Variants in RARB observed in about 807,000 individuals in gnomAD.
RARB encodes retinoic acid receptor beta.
A neutral mutation model predicts 51.9 loss-of-function variants in RARB; 17 were observed. That is an observed-to-expected ratio of 0.33 (90% CI 0.22 to 0.49). The LOEUF (loss-of-function observed/expected upper bound fraction) is 0.49, where lower values mean the gene tolerates loss of function less well. Among genes scored for constraint, RARB ranks in the 20% least tolerant of loss-of-function variants. The pLI is 0.99. For synonymous variants in RARB, 215 were observed against 195.4 expected, an observed-to-expected ratio of 1.10 and a Z score of -0.84; for missense variants, 369 against 550.8, an observed-to-expected ratio of 0.67 and a Z score of 3.30.
chr3:25,419,583 CAG>C (rs766912602), intron 5 of RARB, among the ~76,000 whole-genome samples: 2 of 152,136 alleles, frequency 1.3e-5, no homozygotes, highest in Admixed American at 6.5e-5. Context: ...CCCATCAGCA[CAG>C]AGAGTCTGAC....
chr3:25,091,111 AG>A (rs1464616552), intron 3 of RARB, among the ~76,000 whole-genome samples: 5 of 152,164 alleles, frequency 3.3e-5, no homozygotes, highest in African/African-American at 1.2e-4. Context: ...ATGTTTCATC[AG>A]TAGTGCCTAT....
chr3:25,096,638 T>G (rs965598456), intron 3 of RARB, among the ~76,000 whole-genome samples: 6 of 152,130 alleles, frequency 3.9e-5, no homozygotes, highest in Admixed American at 3.3e-4. Context: ...ATCAAAACGC[T>G]GAGGAAGAAA....
intron 5 of RARB, among the ~76,000 whole-genome samples, chr3:25,378,494 ATCTAT>A (rs1214903770): frequency 1.3e-5 from 2 of 152,324 alleles, no homozygotes; most frequent in South Asian, 2.1e-4. Context: ...CAACAAAAAA[ATCTAT>A]TCTATTTAAA....
intron 3 of RARB, among the ~76,000 whole-genome samples, chr3:25,538,286 C>T (rs1656452): frequency 0.29 from 43,650 of 151,926 alleles, 7,312 homozygotes; most frequent in African/African-American, 0.47. Context: ...TTGTTATTCC[C>T]ATAATTCGAC....
chr3:25,165,397 A>G (rs146234328), intron 4 of RARB, among the ~76,000 whole-genome samples: 1 of 152,154 alleles, frequency 6.6e-6, no homozygotes, highest in East Asian at 1.9e-4. Context: ...TTCAAAACCA[A>G]TCAGCAGTAA....
At chr3:25,506,275 A>G (rs927508320) in intron 3 of RARB, among the ~76,000 whole-genome samples, 5 of 141,024 alleles carry the variant, frequency 3.5e-5, no homozygotes, top group Admixed American at 2.9e-4. Context: ...AAAAAAAAAA[A>G]ACCAGCTCTT....
At chr3:24,999,270 A>G (rs2125274069) in intron 2 of RARB, among the ~76,000 whole-genome samples, 1 of 152,252 alleles carries the variant, frequency 6.6e-6, no homozygotes, top group African/African-American at 2.4e-5. Flanking sequence ...GCCATGTTAT[A>G]AATCTCACCT....
intron 2 of RARB, among the ~76,000 whole-genome samples, chr3:24,911,986 C>A (rs538703796): frequency 1.8e-4 from 27 of 152,290 alleles, no homozygotes; most frequent in African/African-American, 6.5e-4. Flanking sequence ...TAAAGAAGTT[C>A]AAGTCTCCAG....
intron 2 of RARB, among the ~76,000 whole-genome samples, chr3:24,918,618 C>T (rs1040425217): frequency 5.3e-5 from 8 of 152,190 alleles, no homozygotes; most frequent in Non-Finnish European, 8.8e-5. Context: ...CACAGTGGCT[C>T]GCACCTGTAA....
At chr3:24,949,938 AT>A (rs1356939820) in intron 2 of RARB, among the ~76,000 whole-genome samples, 1 of 152,218 alleles carries the variant, frequency 6.6e-6, no homozygotes, top group Admixed American at 6.5e-5. Context: ...AGCCAGTCAT[AT>A]TTTGTACCTT....
intron 2 of RARB, among the ~76,000 whole-genome samples, chr3:25,013,194 G>A (rs2125280823): frequency 6.6e-6 from 1 of 152,170 alleles, no homozygotes; most frequent in South Asian, 2.1e-4. Context: ...CATTAGGTCT[G>A]GAGTCAACTC....
At chr3:25,548,494 T>G (rs1699712472) in intron 3 of RARB, among the ~76,000 whole-genome samples, 1 of 152,148 alleles carries the variant, frequency 6.6e-6, no homozygotes, top group African/African-American at 2.4e-5. Context: ...ATTCCCTTGA[T>G]TTTAAGGCAG....
At chr3:24,973,275 A>G (rs773559597) in intron 2 of RARB, among the ~76,000 whole-genome samples, 1 of 152,072 alleles carries the variant, frequency 6.6e-6, no homozygotes, top group East Asian at 1.9e-4. Context: ...GTCAAAACTG[A>G]GTTGGCTGTA....
intron 2 of RARB, among the ~76,000 whole-genome samples, chr3:24,899,856 G>T (rs976323860): frequency 6.6e-5 from 10 of 151,940 alleles, no homozygotes; most frequent in African/African-American, 2.4e-4. Context: ...CCATTATTTT[G>T]TTACATTTAA....
intron 5 of RARB, among the ~76,000 whole-genome samples, chr3:25,419,701 G>A (rs546376669): frequency 4.1e-4 from 63 of 152,264 alleles, no homozygotes; most frequent in African/African-American, 1.3e-3. Context: ...TGAAGCCCTG[G>A]AAGCACCATG....
intron 1 of RARB, among the ~76,000 whole-genome samples, chr3:25,435,489 C>A (rs963684720): frequency 1.3e-5 from 2 of 152,120 alleles, no homozygotes; most frequent in African/African-American, 4.8e-5. Flanking sequence ...GATCTGAAGG[C>A]CATTTCAGCT....
chr3:24,856,546 A>G (rs2125339002), intron 1 of RARB, among the ~76,000 whole-genome samples: 1 of 152,254 alleles, frequency 6.6e-6, no homozygotes, highest in Admixed American at 6.5e-5. Flanking sequence ...TCGTTGACTT[A>G]TGTCGTTATG....
chr3:24,989,550 T>A (rs1696866596), intron 2 of RARB, among the ~76,000 whole-genome samples: 1 of 109,142 alleles, frequency 9.2e-6, no homozygotes. Flanking sequence ...TGAAATATCA[T>A]CTCCCCTTGA....
chr3:24,892,044 T>C (rs940412049), intron 2 of RARB, among the ~76,000 whole-genome samples: 15 of 152,002 alleles, frequency 9.9e-5, no homozygotes, highest in African/African-American at 3.4e-4. Flanking sequence ...GTTAGACTTG[T>C]GAGGGAATAA....
Sources: allele counts gnomAD v4.1 joint callset (sites outside exome capture counted in the v4.1 genomes callset), GRCh38; gene constraint gnomAD v4.1.1; transcripts MANE v1.5; gene names NCBI Gene and HGNC (gene_info 2026-07-23, HGNC 2026-07-21).